The following NTM variants were observed in gnomAD, a reference collection of about 807,000 sequenced individuals.
The protein encoded by NTM is IgLON family member 2.
Under a neutral mutation model 42.1 loss-of-function variants are expected in NTM, and 13 were observed. The observed-to-expected ratio is 0.31, with a 90% confidence interval of 0.20 to 0.49. The LOEUF is 0.49. NTM is among the 20% of genes least tolerant of loss of function. The pLI is 0.99. For missense variants in NTM, 373 were observed against 452.8 expected, an observed-to-expected ratio of 0.82 and a Z score of 1.60; for synonymous variants, 187 against 179.2, an observed-to-expected ratio of 1.04 and a Z score of -0.35.
At chr11:132,174,017 C>CT (rs1211856180) in intron 3 of NTM, among the ~76,000 whole-genome samples, 1 of 152,202 alleles carries the variant, frequency 6.6e-6, no homozygotes, top group Non-Finnish European at 1.5e-5. Context: ...TGGACCATGT[C>CT]TTATACACCT....
At chr11:132,210,716 G>A (rs1020734098) in intron 3 of NTM, among the ~76,000 whole-genome samples, 2 of 152,176 alleles carry the variant, frequency 1.3e-5, no homozygotes, top group African/African-American at 4.8e-5. Flanking sequence ...GAGGTTCTAC[G>A]ACTGGACCCC....
intron 1 of NTM, among the ~76,000 whole-genome samples, chr11:131,693,788 G>GTC (rs1403898971): frequency 6.6e-6 from 1 of 152,158 alleles, no homozygotes; most frequent in Non-Finnish European, 1.5e-5. Context: ...ACTATGGAGT[G>GTC]TCTCTCTCCT....
intron 1 of NTM, among the ~76,000 whole-genome samples, chr11:131,738,780 A>G (rs898822791): frequency 6.6e-6 from 1 of 152,236 alleles, no homozygotes; most frequent in Admixed American, 6.5e-5. Flanking sequence ...CAAACTATTT[A>G]TTCACAATGT....
intron 1 of NTM, among the ~76,000 whole-genome samples, chr11:131,614,116 G>T (rs565448460): frequency 2.0e-5 from 3 of 152,200 alleles, no homozygotes; most frequent in South Asian, 2.1e-4. Flanking sequence ...GATCTGGGGC[G>T]ATGGGCTACC....
At chr11:132,329,877 G>A (rs2095763902) in intron 7 of NTM, among the ~76,000 whole-genome samples, 1 of 152,214 alleles carries the variant, frequency 6.6e-6, no homozygotes, top group African/African-American at 2.4e-5. Flanking sequence ...TCTTGGCTCT[G>A]CTTCCATCTG....
In NTM at chr11:131,395,921, C is replaced by T. The variant is rs184999642; in HGVS notation, c.82+25033C>T. 2.4e-4 allele frequency among the ~76,000 whole-genome samples: 36 copies of T among 152,244 alleles called. No individual in the cohort carries two copies. The East Asian group carries it at 6.4e-3, about 27-fold the overall frequency. ...CTGGGCAAATAAAGATATTTGAATA[C>T]CTTTGGCCTCCCAAGGCTCAAGCAA... On this transcript the variant is annotated intron_variant, in intron 1 of 8. Coordinates refer to ENST00000683400, the MANE Select transcript of NTM (RefSeq NM_001352005.2).
chr11:131,512,023 A>C (rs1384292211), intron 1 of NTM, among the ~76,000 whole-genome samples: 3 of 152,128 alleles, frequency 2.0e-5, no homozygotes, highest in African/African-American at 7.2e-5. Context: ...TGATAGTGGA[A>C]GGGAAAAGAA....
At chr11:132,019,985 G>A (rs548348933) in intron 2 of NTM, among the ~76,000 whole-genome samples, 7 of 151,868 alleles carry the variant, frequency 4.6e-5, no homozygotes, top group Non-Finnish European at 7.4e-5. Flanking sequence ...ATTCAATCCT[G>A]TACTCCTCCC....
rs745988147 is a variant in NTM, at chr11:132,012,123, G to A, written c.167+100475G>A. 2.4e-4 allele frequency among the ~76,000 whole-genome samples: 36 copies of A among 152,118 alleles called. 1 individual carries two copies. Among genetic ancestry groups the A allele is most frequent in the Admixed American group, 2.4e-3 (36 of 15,258 alleles). The stretch of plus-strand genomic sequence containing the variant: ...ATTCTTCAAGATGGACTAGAACAGC[G>A]TAGTCACCTTGTAAACCTATGTGGT... On this transcript the variant is annotated intron_variant, in intron 2 of 8. Coordinates refer to ENST00000683400, the MANE Select transcript of NTM (RefSeq NM_001352005.2).
chr11:132,259,535 C>T (rs934978003), intron 4 of NTM, among the ~76,000 whole-genome samples: 8 of 151,886 alleles, frequency 5.3e-5, no homozygotes, highest in African/African-American at 1.9e-4. Context: ...CAAAAATTAG[C>T]CTGGCGTGGT....
chr11:131,782,770 T>C (rs2088409186), intron 1 of NTM, among the ~76,000 whole-genome samples: 2 of 152,168 alleles, frequency 1.3e-5, no homozygotes, highest in African/African-American at 2.4e-5. Flanking sequence ...AAGCATTTGA[T>C]AAATTCAACA....
chr11:131,753,115 A>G (rs532218199), intron 1 of NTM, among the ~76,000 whole-genome samples: 3 of 152,274 alleles, frequency 2.0e-5, no homozygotes, highest in South Asian at 2.1e-4. Context: ...GAAGACATTT[A>G]TGCAGCCAAA....
At chr11:131,609,856 G>A (rs2061328715) in intron 1 of NTM, among the ~76,000 whole-genome samples, 1 of 152,146 alleles carries the variant, frequency 6.6e-6, no homozygotes, top group South Asian at 2.1e-4. Flanking sequence ...AGGGAGAAGG[G>A]ACCAAACACA....
At chr11:131,983,881 G>C (rs1159133406) in intron 2 of NTM, among the ~76,000 whole-genome samples, 1 of 152,190 alleles carries the variant, frequency 6.6e-6, no homozygotes, top group African/African-American at 2.4e-5. Flanking sequence ...CTGAGCATTA[G>C]CTTCCAGCCA....
At chr11:131,933,084 T>G (rs2058815054) in intron 2 of NTM, among the ~76,000 whole-genome samples, 1 of 152,226 alleles carries the variant, frequency 6.6e-6, no homozygotes, top group Admixed American at 6.5e-5. Flanking sequence ...TTAACTAACA[T>G]TTTGTAAATA....
At chr11:131,729,740 T>C (rs1359863264) in intron 1 of NTM, among the ~76,000 whole-genome samples, 1 of 152,236 alleles carries the variant, frequency 6.6e-6, no homozygotes, top group Non-Finnish European at 1.5e-5. Context: ...TGTTGTAGCA[T>C]AAAAAGCACT....
chr11:131,943,612 C>A (rs1302165041), intron 2 of NTM, among the ~76,000 whole-genome samples: 5 of 152,144 alleles, frequency 3.3e-5, no homozygotes, highest in Non-Finnish European at 7.4e-5. Context: ...TCGTTTTTTC[C>A]CTTCACTCTC....
intron 4 of NTM, among the ~76,000 whole-genome samples, chr11:132,298,908 A>C (rs1219493693): frequency 6.6e-6 from 1 of 152,156 alleles, no homozygotes; most frequent in Non-Finnish European, 1.5e-5. Flanking sequence ...ACACACACAC[A>C]CACGAAATTT....
chr11:132,077,479 G>C (rs945156541), intron 2 of NTM, among the ~76,000 whole-genome samples: 2 of 152,180 alleles, frequency 1.3e-5, no homozygotes, highest in Admixed American at 6.5e-5. Flanking sequence ...CAGGAACTGG[G>C]AAGTGTGTTG....
Sources: allele counts gnomAD v4.1 joint callset (sites outside exome capture counted in the v4.1 genomes callset), GRCh38; gene constraint gnomAD v4.1.1; transcripts MANE v1.5; gene names NCBI Gene and HGNC (gene_info 2026-07-23, HGNC 2026-07-21).